Variants in MSL2 observed in about 807,000 individuals in gnomAD.
MSL2 encodes the protein MSL complex subunit 2.
Under a neutral mutation model 35.8 loss-of-function variants are expected in MSL2, and 2 were observed. That is an observed-to-expected ratio of 0.06 (90% confidence interval 0.02 to 0.18). The LOEUF (loss-of-function observed/expected upper bound fraction) is 0.18, where lower values mean the gene tolerates loss of function less well. Ranked by LOEUF, MSL2 falls within the 10% of genes least tolerant of loss-of-function variation. The probability of loss-of-function intolerance (pLI) is 1.00; values close to 1 mark genes in which losing one functional copy is unlikely to be tolerated. For missense variants in MSL2, 523 were observed against 706.7 expected, an observed-to-expected ratio of 0.74 and a Z score of 2.95; for synonymous variants, 296 against 255.7, an observed-to-expected ratio of 1.16 and a Z score of -1.50.
chr3:136,156,385 T>C (rs1490952682), intron 1 of MSL2, among the ~76,000 whole-genome samples: 1 of 152,182 alleles, frequency 6.6e-6, no homozygotes, highest in Non-Finnish European at 1.5e-5. Context: ...AATGGGTTAC[T>C]TGACTGGTGA....
At chr3:136,166,772 C>G (rs545955818) in intron 1 of MSL2, among the ~76,000 whole-genome samples, 2 of 152,312 alleles carry the variant, frequency 1.3e-5, no homozygotes, top group African/African-American at 2.4e-5. Flanking sequence ...TCCTCCTTAG[C>G]ACAGATAAAC....
rs984140992 is a variant in MSL2, at chr3:136,155,376, T to G, written c.143-2638A>C. Among the ~76,000 whole-genome samples, 3 of 151,978 alleles carry G rather than the reference T, an allele frequency of 2.0e-5. No individual in the cohort carries two copies. The South Asian group carries it at 6.3e-4, about 32-fold the overall frequency. On this transcript the variant is annotated intron_variant, in intron 1 of 1. Transcript: ENST00000309993. ...AAAATTAGCTGGGCATGGTGGTGCATGCCTGTAATCCCAGCTACTTGGGAG... is the reference window on the plus strand; with the variant it reads ...AAAATTAGCTGGGCATGGTGGTGCAGGCCTGTAATCCCAGCTACTTGGGAG...
chr3:136,189,540 C>T (rs967585955), intron 1 of MSL2, among the ~76,000 whole-genome samples: 1 of 149,714 alleles, frequency 6.7e-6, no homozygotes, highest in Non-Finnish European at 1.5e-5. Flanking sequence ...CTGGCTAACA[C>T]AGTGAAACCC....
At position 136,150,552 on chromosome 3, in the gene MSL2, T is replaced by C. The variant is rs550704624; in HGVS notation, c.*595A>G. 2.0e-5 allele frequency: 3 copies of C among 152,846 alleles called. No homozygotes were observed. The highest frequency in any genetic ancestry group is 7.2e-5 in the African/African-American group (3 of 41,570). 9.5% of individuals were successfully genotyped at this position (152,846 alleles called of 1,614,324 possible). A position where few individuals can be genotyped will look rare whatever the true frequency, so the allele number is the denominator to read the frequency against. On this transcript the variant is annotated 3_prime_UTR_variant, in exon 2 of 2. Transcript: ENST00000309993. The stretch of plus-strand genomic sequence containing the variant: ...CAGAATTTTACTTTTTAAAAAGATT[T>C]CTTAAACATTCTAATGAGGGGGAAT...
chr3:136,188,349 G>A (rs1267545890), intron 1 of MSL2, among the ~76,000 whole-genome samples: 3 of 151,342 alleles, frequency 2.0e-5, no homozygotes, highest in Middle Eastern at 3.2e-3. Context: ...CAGGAGAATC[G>A]CTTGAACCCA....
intron 1 of MSL2, among the ~76,000 whole-genome samples, chr3:136,178,324 C>CA (rs1461485985): frequency 1.3e-5 from 2 of 152,074 alleles, no homozygotes; most frequent in East Asian, 3.9e-4. Flanking sequence ...ATTAATTAGG[C>CA]AAAATTAAGT....
At chr3:136,158,428 C>A (rs1175763001) in intron 1 of MSL2, among the ~76,000 whole-genome samples, 2 of 151,486 alleles carry the variant, frequency 1.3e-5, no homozygotes, top group African/African-American at 4.9e-5. Context: ...CCTATTCACA[C>A]ACACACACAA....
rs763670751 is a variant in MSL2 at position 136,178,979 on chromosome 3, C to CTTTT, written c.142+15989_142+15992dup. Among the ~76,000 whole-genome samples the CTTTT allele has an allele frequency of 3.7e-4, 38 of 101,800 alleles. 1 individual carries two copies. Among genetic ancestry groups the CTTTT allele is most frequent in the African/African-American group, 1.3e-3 (38 of 29,312 alleles). 66.8% of individuals were successfully genotyped at this position (101,800 alleles called of 152,430 possible). On this transcript the variant is annotated intron_variant, in intron 1 of 1. Coordinates refer to ENST00000309993, the MANE Select transcript of MSL2 (RefSeq NM_018133.4). ...GGAATGTAGTTATTTTGTTGGTTTT[C>CTTTT]TTTTTTTTTTTTTTTTTTTTTTTTA...
At chr3:136,167,206 C>A (rs1056398349) in intron 1 of MSL2, among the ~76,000 whole-genome samples, 2 of 151,896 alleles carry the variant, frequency 1.3e-5, no homozygotes, top group South Asian at 2.1e-4. Flanking sequence ...GTAACATGGA[C>A]AAATTAAACA....
chr3:136,185,662 C>T (rs765721309), intron 1 of MSL2, among the ~76,000 whole-genome samples: 9 of 151,790 alleles, frequency 5.9e-5, no homozygotes, highest in African/African-American at 9.7e-5. Flanking sequence ...CGCACCACCA[C>T]GCCCGGCTAA....
At chr3:136,190,121 G>C (rs1454012707) in intron 1 of MSL2, among the ~76,000 whole-genome samples, 1 of 152,016 alleles carries the variant, frequency 6.6e-6, no homozygotes, top group Admixed American at 6.6e-5. Context: ...TGACACATGA[G>C]GTCTGTTATA....
intron 1 of MSL2, among the ~76,000 whole-genome samples, chr3:136,178,193 G>T (rs561808262): frequency 6.6e-6 from 1 of 152,226 alleles, no homozygotes; most frequent in East Asian, 1.9e-4. Context: ...ACTAAGTAGG[G>T]GAGGCTTTTA....
chr3:136,156,944 A>G (rs1263647942), intron 1 of MSL2, among the ~76,000 whole-genome samples: 2 of 152,270 alleles, frequency 1.3e-5, no homozygotes, highest in African/African-American at 4.8e-5. Flanking sequence ...AATGTTCACA[A>G]TATATTTAGT....
In MSL2 at chr3:136,150,649, G is replaced by T. The variant is rs1403128613; in HGVS notation, c.*498C>A. The T allele has an allele frequency of 1.3e-5, 2 of 158,020 alleles. No individual in the cohort carries two copies. The highest frequency in any genetic ancestry group is 4.8e-5 in the African/African-American group (2 of 41,448). 9.8% of individuals were successfully genotyped at this position (158,020 alleles called of 1,614,324 possible). On this transcript the variant is annotated 3_prime_UTR_variant, in exon 2 of 2. Coordinates refer to ENST00000309993, the MANE Select transcript of MSL2 (RefSeq NM_018133.4). ...AGCCAATATTTCATGATCAGAAATGGTATGATGTCAGCACAAAGGTTGAGC... is the reference window on the plus strand; with the variant it reads ...AGCCAATATTTCATGATCAGAAATGTTATGATGTCAGCACAAAGGTTGAGC...
intron 1 of MSL2, among the ~76,000 whole-genome samples, chr3:136,189,349 T>C (rs112851622): frequency 3.5e-5 from 5 of 143,540 alleles, no homozygotes; most frequent in African/African-American, 1.0e-4. Flanking sequence ...CTGCTATCTA[T>C]AGCTGAATTG....
At position 136,151,610 on chromosome 3, in the gene MSL2, T is replaced by C; in HGVS notation, c.1271A>G (p.Lys424Arg). 6.2e-7 allele frequency: 1 copy of C among 1,614,186 alleles called. No homozygotes were observed. Among genetic ancestry groups the C allele is most frequent in the African/African-American group, 1.3e-5 (1 of 75,038 alleles). ...HGSKKSHSKT[K>R]PGILKKDKAV... ...TTTGTCTTTTTTAAGAATACCTGGCTTGGTTTTAGAGTGAGATTTCTTGGA... is the reference window on the plus strand; with the variant it reads ...TTTGTCTTTTTTAAGAATACCTGGCCTGGTTTTAGAGTGAGATTTCTTGGA... The change falls in exon 2 of 2, where the codon AAG becomes AGG. Residue 424 changes from lysine (K) to arginine (R), a missense_variant. Physicochemically the swap from Lys to Arg is conservative, Grantham distance 26. Around this residue, in one of 5 missense-constraint regions of MSL2, gnomAD observed 361 missense variants for 414.6 expected, o/e 0.87. Coordinates refer to ENST00000309993, the MANE Select transcript of MSL2 (RefSeq NM_018133.4). The surrounding 1 kb of genome is among the most constrained non-coding windows in gnomAD (Gnocchi z 5.2).
chr3:136,182,708 T>G (rs1940404053), intron 1 of MSL2, among the ~76,000 whole-genome samples: 1 of 145,146 alleles, frequency 6.9e-6, no homozygotes, highest in African/African-American at 2.6e-5. Context: ...AGAGCGAGAC[T>G]CCGTCTCAAA....
chr3:136,189,818 C>CTAA (rs1367006551), intron 1 of MSL2, among the ~76,000 whole-genome samples: 1 of 151,534 alleles, frequency 6.6e-6, no homozygotes, highest in Non-Finnish European at 1.5e-5. Context: ...CAATGTTTAA[C>CTAA]CTCTGACCAA....
At chr3:136,190,834 A>G (rs1940665901) in intron 1 of MSL2, among the ~76,000 whole-genome samples, 1 of 152,242 alleles carries the variant, frequency 6.6e-6, no homozygotes, top group Non-Finnish European at 1.5e-5. Flanking sequence ...CGACACTTAA[A>G]AATAGTACCC....
Sources: allele counts gnomAD v4.1 joint callset (sites outside exome capture counted in the v4.1 genomes callset), GRCh38; gene constraint gnomAD v4.1.1; regional missense constraint gnomAD v4.1.1; non-coding constraint Gnocchi (gnomAD v3.1); transcripts MANE v1.5; gene names NCBI Gene and HGNC (gene_info 2026-07-23, HGNC 2026-07-21).